CPNE2: variants seen among roughly 807,000 people sequenced by gnomAD.
The protein encoded by CPNE2 is copine 2.
Under a neutral mutation model 69.7 loss-of-function variants are expected in CPNE2, and 42 were observed. That is an observed-to-expected ratio of 0.60 (90% CI 0.47 to 0.78). The LOEUF is 0.78. Among genes scored for constraint, CPNE2 ranks in the 30% least tolerant of loss-of-function variants. The pLI, the probability that CPNE2 is intolerant of heterozygous loss-of-function variation, is 0.00. For missense variants in CPNE2, 587 were observed against 732.0 expected (o/e 0.80, Z 2.29); for synonymous variants, 294 against 289.8 (o/e 1.01, Z -0.15).
chr16:57,136,550 G>C (rs570425082), intron 13 of CPNE2, among the ~76,000 whole-genome samples: 2 of 152,198 alleles, frequency 1.3e-5, no homozygotes, highest in South Asian at 2.1e-4. Context: ...TAGATTATCA[G>C]TCCCATTGAC....
At chr16:57,115,662 G>C (rs906831268) in intron 4 of CPNE2, 112 bp downstream of exon 4, 1 of 706,670 alleles carries the variant, frequency 1.4e-6, no homozygotes, top group African/African-American at 1.9e-5. Flanking sequence ...GGAGTAAAAA[G>C]GCCCAACTTA....
chr16:57,104,903 C>G (rs1423500931), intron 1 of CPNE2, among the ~76,000 whole-genome samples: 1 of 152,108 alleles, frequency 6.6e-6, no homozygotes, highest in Non-Finnish European at 1.5e-5. Flanking sequence ...GAGGCCAGTG[C>G]AGCTGGGCCA....
rs1325502859 is a variant in CPNE2 at position 57,113,269 on chromosome 16, T to C, written c.181-19T>C. On this transcript the variant is annotated intron_variant, in intron 2 of 15. Coordinates refer to ENST00000290776, the MANE Select transcript of CPNE2 (RefSeq NM_152727.6). ...CAGCTGCCTTGACTCTGACTTCCAT[T>C]TTCCTGCCCCTCTGCTAGTACGACA... 6.2e-7 allele frequency: 1 copy of C among 1,609,292 alleles called. No homozygotes were observed. Among genetic ancestry groups the C allele is most frequent in the African/African-American group, 1.3e-5 (1 of 74,774 alleles).
chr16:57,119,353 A>T (rs2069744021), intron 6 of CPNE2, 75 bp downstream of exon 6: 2 of 1,480,040 alleles, frequency 1.4e-6, no homozygotes, highest in Admixed American at 1.7e-5. Flanking sequence ...TGAAAAAGGG[A>T]GGTGCGGTCA....
intron 10 of CPNE2, chr16:57,124,697 G>A (rs1033551666): frequency 1.6e-5 from 4 of 252,624 alleles, no homozygotes; most frequent in Non-Finnish European, 3.2e-5. Context: ...GGAAGCTGCT[G>A]GGGTGCCACG....
chr16:57,131,383 G>C (rs2145270926), intron 12 of CPNE2, among the ~76,000 whole-genome samples: 1 of 152,348 alleles, frequency 6.6e-6, no homozygotes, highest in African/African-American at 2.4e-5. Context: ...CCAAGGGCCA[G>C]GGCAGGAGAT....
intron 1 of CPNE2, among the ~76,000 whole-genome samples, chr16:57,094,687 A>G (rs1414385607): frequency 6.6e-6 from 1 of 152,118 alleles, no homozygotes; most frequent in Non-Finnish European, 1.5e-5. Flanking sequence ...ATCCATGGGA[A>G]TATTAAGAAG....
chr16:57,116,736 G>A (rs2069721951), intron 4 of CPNE2, among the ~76,000 whole-genome samples: 1 of 152,220 alleles, frequency 6.6e-6, no homozygotes, highest in South Asian at 2.1e-4. Context: ...TGTTGAGCAA[G>A]TCCCAGTGGG....
intron 14 of CPNE2, chr16:57,145,856 A>G: frequency 1.8e-6 from 1 of 567,028 alleles, no homozygotes; most frequent in Non-Finnish European, 3.2e-6. Flanking sequence ...AGGAGGGGAG[A>G]GCAGTTTGTA....
chr16:57,134,730 T>C, intron 12 of CPNE2, 45 bp from the exon 13 acceptor site: 1 of 1,612,164 alleles, frequency 6.2e-7, no homozygotes, highest in Non-Finnish European at 8.5e-7. Flanking sequence ...TGGGTCTGGG[T>C]TTGGGGGCGG....
At chr16:57,137,097 TG>T in intron 13 of CPNE2, 51 bp from the exon 14 acceptor site, 1 of 1,593,460 alleles carries the variant, frequency 6.3e-7, no homozygotes, top group Non-Finnish European at 8.6e-7. Context: ...GAGATGAGAG[TG>T]GGTATGGGGT....
rs1450392157 is a variant in CPNE2 at position 57,119,661 on chromosome 16, T to C, written c.681+11T>C. The stretch of plus-strand genomic sequence containing the variant: ...GAGAAGCCCATCCAGGTGAGGGGGC[T>C]CTGGGGACCCTGCTCCCCACCTTGC... On this transcript the variant is annotated intron_variant, in intron 7 of 15. Transcript: ENST00000290776. The C allele has an allele frequency of 6.3e-7, 1 of 1,590,644 alleles. No homozygotes were observed. The highest frequency in any genetic ancestry group is 8.6e-7 in the Non-Finnish European group (1 of 1,166,748).
Position 57,092,645 on chromosome 16 carries a change from G to T in CPNE2, c.-181G>T, listed in dbSNP as rs1783902401. On this transcript the variant is annotated 5_prime_UTR_variant, in exon 1 of 16. Coordinates refer to ENST00000290776, the MANE Select transcript of CPNE2 (RefSeq NM_152727.6). The surrounding 1 kb of genome is among the most constrained non-coding windows in gnomAD (Gnocchi z 5.3). ...AGCGGCTGGGAGCGCACGCGAGCGG[G>T]CCGTGGCCGCGCGGGCAGCGCCCTG... 6.7e-6 allele frequency: 1 copy of T among 148,584 alleles called. No individual in the cohort carries two copies. Among genetic ancestry groups the T allele is most frequent in the African/African-American group, 2.4e-5 (1 of 40,924 alleles). The allele number at this position is 148,584 out of a possible 1,614,324, so 9.2% of individuals were successfully genotyped here.
intron 1 of CPNE2, among the ~76,000 whole-genome samples, chr16:57,095,120 C>T (rs1397096366): frequency 6.6e-6 from 1 of 152,230 alleles, no homozygotes; most frequent in African/African-American, 2.4e-5. Context: ...GCTCCTTCCC[C>T]CTTGCAGAAT....
chr16:57,109,221 T>C (rs2069665216), intron 1 of CPNE2, among the ~76,000 whole-genome samples: 1 of 152,174 alleles, frequency 6.6e-6, no homozygotes, highest in South Asian at 2.1e-4. Context: ...ATGCCTGTAA[T>C]CCCAGCACAT....
chr16:57,139,482 C>T (rs2069906087), intron 14 of CPNE2, among the ~76,000 whole-genome samples: 1 of 152,176 alleles, frequency 6.6e-6, no homozygotes, highest in African/African-American at 2.4e-5. Flanking sequence ...GTTAGTCCTG[C>T]AAAGACATAC....
intron 15 of CPNE2, 155 bp from the exon 16 acceptor site, chr16:57,147,396 G>A: frequency 4.3e-6 from 2 of 462,894 alleles, no homozygotes; most frequent in Non-Finnish European, 7.6e-6. Context: ...GCTGAGATGA[G>A]GGATGCCACT....
At position 57,092,694 on chromosome 16, in the gene CPNE2, C is replaced by G. The variant is rs1312972475; in HGVS notation, c.-132C>G. On this transcript the variant is annotated 5_prime_UTR_variant, in exon 1 of 16. Transcript: ENST00000290776. This position sits in a 1 kb window ranked among gnomAD's most constrained non-coding sequence, Gnocchi z 5.3. ...TGAGCCTGTCCCGCGCCCGCGGGCC[C>G]GGCCGAGCAGGAGCAGCTCCCGGGG... 1 of 149,736 alleles carries G rather than the reference C, an allele frequency of 6.7e-6. No homozygotes were observed. The highest frequency in any genetic ancestry group is 6.7e-5 in the Admixed American group (1 of 14,980). The allele number at this position is 149,736 out of a possible 1,614,324, so 9.3% of individuals were successfully genotyped here.
chr16:57,110,667 G>C, intron 1 of CPNE2, 41 bp from the exon 2 acceptor site: 1 of 1,292,886 alleles, frequency 7.7e-7, no homozygotes, highest in Non-Finnish European at 1.0e-6. Flanking sequence ...CAGCATAGCA[G>C]GTGTCTGTCC....
Sources: gnomAD v4.1 joint callset for allele counts (sites outside exome capture counted in the v4.1 genomes callset) on GRCh38, gnomAD v4.1.1 for gene constraint, Gnocchi (gnomAD v3.1) non-coding constraint, MANE v1.5 for transcripts, NCBI Gene and HGNC (gene_info 2026-07-23, HGNC 2026-07-21) for gene names.